The following MACROD2 variants were observed in gnomAD, a reference collection of about 807,000 sequenced individuals.
The protein encoded by MACROD2 is mono-ADP ribosylhydrolase 2.
MACROD2 carries 36 observed loss-of-function variants against 70.4 expected under a neutral mutation model. The ratio of observed to expected loss-of-function variants is 0.51; its 90% CI spans 0.39 to 0.68. The LOEUF (loss-of-function observed/expected upper bound fraction) is 0.68. MACROD2 is among the 30% of genes least tolerant of loss of function. The pLI is 0.00. For missense variants in MACROD2, 496 were observed against 538.4 expected (o/e 0.92, Z 0.78); for synonymous variants, 172 against 178.8 (o/e 0.96, Z 0.30).
At chr20:14,872,392 GA>G (rs2073498761) in intron 5 of MACROD2, among the ~76,000 whole-genome samples, 1 of 152,054 alleles carries the variant, frequency 6.6e-6, no homozygotes, top group Admixed American at 6.6e-5. Context: ...AGGAGGCTAG[GA>G]AAATTAGCTA....
chr20:15,599,283 G>A (rs776257287), intron 8 of MACROD2, among the ~76,000 whole-genome samples: 4 of 151,708 alleles, frequency 2.6e-5, no homozygotes, highest in African/African-American at 7.3e-5. Flanking sequence ...TCCCAGCTAC[G>A]CGGGAGGCTG....
chr20:14,753,624 C>T (rs204093), intron 5 of MACROD2, among the ~76,000 whole-genome samples: 101,721 of 151,892 alleles, frequency 0.67, 34,533 homozygotes, highest in African/African-American at 0.73. Flanking sequence ...AAAAGTCATA[C>T]GGAGAAAAAA....
rs2082554113 is a variant in MACROD2 at position 14,310,176 on chromosome 20, GTAGT to G, written c.272-183300_272-183297del. The stretch of plus-strand genomic sequence containing the variant: ...GTAATGATTATACCCTTTAATTTTT[GTAGT>G]TAATTTATTTGAATGTTCTAAAATT... On this transcript the variant is annotated intron_variant, in intron 3 of 17. Coordinates refer to ENST00000684519, the MANE Select transcript of MACROD2 (RefSeq NM_001351661.2). 2.6e-5 allele frequency among the ~76,000 whole-genome samples: 4 copies of G among 152,092 alleles called. No homozygotes were observed. In the South Asian group the frequency reaches 8.3e-4, roughly 31 times the overall value.
At chr20:15,629,955 A>G (rs1426711131) in intron 8 of MACROD2, among the ~76,000 whole-genome samples, 1 of 152,214 alleles carries the variant, frequency 6.6e-6, no homozygotes, top group Non-Finnish European at 1.5e-5. Flanking sequence ...TTTCTTCTGT[A>G]AAATCTCCTG....
intron 3 of MACROD2, among the ~76,000 whole-genome samples, chr20:14,404,849 T>G (rs770850497): frequency 2.6e-5 from 4 of 151,796 alleles, no homozygotes; most frequent in Non-Finnish European, 5.9e-5. Context: ...AAATACAGTA[T>G]CTATCAGTAA....
intron 3 of MACROD2, among the ~76,000 whole-genome samples, chr20:14,103,909 G>A (rs1440369057): frequency 6.6e-6 from 1 of 152,082 alleles, no homozygotes; most frequent in Non-Finnish European, 1.5e-5. Context: ...AATGTTTGTA[G>A]AAATCTTTGA....
intron 6 of MACROD2, among the ~76,000 whole-genome samples, chr20:15,408,899 A>G (rs893239302): frequency 6.6e-6 from 1 of 152,174 alleles, no homozygotes; most frequent in Admixed American, 6.5e-5. Flanking sequence ...CTTCAAGGTA[A>G]GCTCTTTGGT....
chr20:15,530,041 A>G (rs1395134020), intron 8 of MACROD2, among the ~76,000 whole-genome samples: 1 of 152,246 alleles, frequency 6.6e-6, no homozygotes, highest in Non-Finnish European at 1.5e-5. Flanking sequence ...CTTGTATTTG[A>G]AACAGAAAAA....
chr20:14,860,878 T>G (rs1353859567), intron 5 of MACROD2, among the ~76,000 whole-genome samples: 1 of 152,022 alleles, frequency 6.6e-6, no homozygotes. Flanking sequence ...AAAACATACT[T>G]ATCCCAGGTT....
At chr20:15,807,285 A>C (rs1309589023) in intron 8 of MACROD2, among the ~76,000 whole-genome samples, 1 of 152,220 alleles carries the variant, frequency 6.6e-6, no homozygotes, top group East Asian at 1.9e-4. Context: ...TTAGTGACCA[A>C]AACATGGCCT....
chr20:14,281,883 T>C (rs1260651128), intron 3 of MACROD2, among the ~76,000 whole-genome samples: 10 of 137,708 alleles, frequency 7.3e-5, no homozygotes, highest in African/African-American at 2.7e-4. Flanking sequence ...TGCAGTGAGC[T>C]GAGATCCCAC....
At chr20:15,053,848 T>C (rs2075462133) in intron 5 of MACROD2, among the ~76,000 whole-genome samples, 1 of 152,194 alleles carries the variant, frequency 6.6e-6, no homozygotes, top group African/African-American at 2.4e-5. Flanking sequence ...ATTCTAGATG[T>C]TATTAAAAAC....
intron 3 of MACROD2, among the ~76,000 whole-genome samples, chr20:14,098,741 CTT>C (rs2054262337): frequency 6.6e-6 from 1 of 152,108 alleles, no homozygotes; most frequent in Admixed American, 6.6e-5. Flanking sequence ...AATTTACTCT[CTT>C]AAATATTTTA....
At chr20:15,157,871 C>A (rs462824) in intron 5 of MACROD2, among the ~76,000 whole-genome samples, 89,620 of 151,972 alleles carry the variant, frequency 0.59, 26,567 homozygotes, top group East Asian at 0.65. Context: ...GGGCTCTAAT[C>A]ACCACTTTCT....
intron 6 of MACROD2, among the ~76,000 whole-genome samples, chr20:15,256,542 C>A (rs1484588123): frequency 6.6e-6 from 1 of 151,640 alleles, no homozygotes; most frequent in South Asian, 2.1e-4. Flanking sequence ...GGTCAAAAGT[C>A]CCAATTATAT....
chr20:15,607,676 G>C (rs1194245704), intron 8 of MACROD2, among the ~76,000 whole-genome samples: 1 of 152,170 alleles, frequency 6.6e-6, no homozygotes, highest in African/African-American at 2.4e-5. Flanking sequence ...TGGGATTACA[G>C]GTGCTCACCA....
chr20:15,531,107 C>A (rs574502822), intron 8 of MACROD2, among the ~76,000 whole-genome samples: 118 of 149,002 alleles, frequency 7.9e-4, no homozygotes, highest in Middle Eastern at 3.6e-3. Context: ...GCCATTTATT[C>A]AAAAAGAGGC....
chr20:14,396,617 T>G (rs544414745), intron 3 of MACROD2, among the ~76,000 whole-genome samples: 249 of 152,264 alleles, frequency 1.6e-3, no homozygotes, highest in South Asian at 3.7e-3. Context: ...GCCTATAGTT[T>G]GGTGTTGATT....
At chr20:15,601,298 T>C (rs1398983485) in intron 8 of MACROD2, among the ~76,000 whole-genome samples, 9 of 152,164 alleles carry the variant, frequency 5.9e-5, no homozygotes, top group African/African-American at 2.2e-4. Context: ...ATGTTTCTTG[T>C]AAAGCCTGCA....
Sources: allele counts gnomAD v4.1 joint callset (sites outside exome capture counted in the v4.1 genomes callset), GRCh38; gene constraint gnomAD v4.1.1; transcripts MANE v1.5; gene names NCBI Gene and HGNC (gene_info 2026-07-23, HGNC 2026-07-21).